The following USP15 variants were observed in gnomAD, a reference collection of about 807,000 sequenced individuals.
The protein encoded by USP15 is ubiquitin specific peptidase 15.
USP15 carries 18 observed loss-of-function variants against 127.1 expected under a neutral mutation model. The observed-to-expected ratio is 0.14, with a 90% CI of 0.10 to 0.21. USP15 has a LOEUF of 0.21. Ranked by LOEUF, USP15 falls within the 10% of genes least tolerant of loss-of-function variation. The probability of loss-of-function intolerance (pLI) is 1.00; values close to 1 mark genes in which losing one functional copy is unlikely to be tolerated. For missense variants in USP15, 805 were observed against 1,159.9 expected (o/e 0.69, Z 4.44); for synonymous variants, 364 against 393.7 (o/e 0.92, Z 0.89).
rs978053108 is a variant in USP15, at chr12:62,415,536, C to A, written c.*11161C>A. ...GACCATAGGCTCAGGAGTTAAACCA[C>A]CTCTGAGCCTACCACTTTTGTGCAA... On this transcript the variant is annotated 3_prime_UTR_variant, in exon 22 of 22. Transcript: ENST00000280377. The A allele has an allele frequency of 6.6e-6, 1 of 152,226 alleles. No individual in the cohort carries two copies. The highest frequency in any genetic ancestry group is 2.4e-5 in the African/African-American group (1 of 41,454). 9.4% of individuals were successfully genotyped at this position (152,226 alleles called of 1,614,324 possible). A position where few individuals can be genotyped will look rare whatever the true frequency, so the allele number is the denominator to read the frequency against.
At chr12:62,339,378 T>A (rs1465351516) in intron 6 of USP15, among the ~76,000 whole-genome samples, 2 of 152,144 alleles carry the variant, frequency 1.3e-5, no homozygotes, top group Non-Finnish European at 2.9e-5. Context: ...TAAATACTCT[T>A]TATTTCTTTC....
chr12:62,298,830 CA>C (rs1163091790), intron 2 of USP15, among the ~76,000 whole-genome samples: 24,155 of 65,698 alleles, frequency 0.37, 1,161 homozygotes, highest in Admixed American at 0.38. Context: ...CCCTGTCTTG[CA>C]AAAAAAAAAA....
chr12:62,382,124 G>A (rs913579780), intron 9 of USP15, among the ~76,000 whole-genome samples: 2 of 151,928 alleles, frequency 1.3e-5, no homozygotes, highest in Non-Finnish European at 2.9e-5. Flanking sequence ...TTATCAAAAT[G>A]AAAATAGTCT....
In USP15 at chr12:62,404,268, G is replaced by A; in HGVS notation, c.2839G>A (p.Glu947Lys). 1 of 1,613,278 alleles carries A rather than the reference G, an allele frequency of 6.2e-7. No homozygotes were observed. Among genetic ancestry groups the A allele is most frequent in the Non-Finnish European group, 8.5e-7 (1 of 1,179,414 alleles). The change falls in exon 22 of 22, where the codon GAA (glutamate) becomes AAA (lysine). Residue 947 changes from glutamate (E) to lysine (K), a missense_variant. Around this residue, in one of 11 missense-constraint regions of USP15, gnomAD observed 116 missense variants for 157.2 expected, o/e 0.74. Coordinates refer to ENST00000280377, the MANE Select transcript of USP15 (RefSeq NM_001252078.2). ...AACTGGCTTTTTTCCTCTTGACCGA[G>A]AAACTAAAGGTGCTTCAGCTGCCAC... ...SGTGFFPLDR[E>K]TKGASAATGI...
rs1037310030 is a variant in USP15 at position 62,406,651 on chromosome 12, C to T, written c.*2276C>T. The T allele has an allele frequency of 6.6e-6, 1 of 152,090 alleles. No individual in the cohort carries two copies. Among genetic ancestry groups the T allele is most frequent in the African/African-American group, 2.4e-5 (1 of 41,408 alleles). 9.4% of individuals were successfully genotyped at this position (152,090 alleles called of 1,614,324 possible). ...TTAAAAATAGTGCAAAAGGATAATA[C>T]ATATTCTAATTAAAAGTAGGCATTC... On this transcript the variant is annotated 3_prime_UTR_variant, in exon 22 of 22. Transcript: ENST00000280377.
At chr12:62,304,859 T>C (rs2064431048) in intron 3 of USP15, 1 of 247,406 alleles carries the variant, frequency 4.0e-6, no homozygotes, top group Non-Finnish European at 8.2e-6. Flanking sequence ...AGATGAGAAG[T>C]AGGGCAAAAC....
At chr12:62,274,545 T>G (rs1341650744) in intron 1 of USP15, among the ~76,000 whole-genome samples, 1 of 152,048 alleles carries the variant, frequency 6.6e-6, no homozygotes, top group Non-Finnish European at 1.5e-5. Context: ...CTTGGAAGGC[T>G]GAGGCAAGAG....
At chr12:62,345,012 A>G (rs556498021) in intron 6 of USP15, among the ~76,000 whole-genome samples, 35 of 152,290 alleles carry the variant, frequency 2.3e-4, no homozygotes, top group Admixed American at 1.4e-3. Context: ...GACCTCTGAC[A>G]TGCCCTGGAG....
chr12:62,337,877 A>G (rs1392857591), intron 6 of USP15, among the ~76,000 whole-genome samples: 3 of 152,144 alleles, frequency 2.0e-5, no homozygotes, highest in Non-Finnish European at 4.4e-5. Flanking sequence ...TATCCAGTCT[A>G]TCAGGATGGA....
intron 1 of USP15, among the ~76,000 whole-genome samples, chr12:62,288,075 C>A (rs2063834394): frequency 1.3e-5 from 2 of 151,820 alleles, no homozygotes; most frequent in Admixed American, 1.3e-4. Flanking sequence ...TATTGAGATT[C>A]TTTTTTTTAT....
chr12:62,376,426 T>C (rs1430434807), intron 8 of USP15, among the ~76,000 whole-genome samples: 1 of 152,176 alleles, frequency 6.6e-6, no homozygotes, highest in Non-Finnish European at 1.5e-5. Flanking sequence ...TTAAGAAATA[T>C]GTTTTATGAT....
chr12:62,370,990 G>A (rs927520906), intron 8 of USP15, among the ~76,000 whole-genome samples: 48 of 151,958 alleles, frequency 3.2e-4, no homozygotes, highest in Admixed American at 1.1e-3. Context: ...TTCCTCTCCT[G>A]TTACATTATT....
chr12:62,399,678 C>G (rs1026820724), intron 20 of USP15, among the ~76,000 whole-genome samples: 5 of 152,056 alleles, frequency 3.3e-5, no homozygotes, highest in Non-Finnish European at 7.4e-5. Flanking sequence ...TCTACGGTTT[C>G]TCTCCATGGT....
intron 19 of USP15, among the ~76,000 whole-genome samples, chr12:62,395,747 A>G (rs1031496281): frequency 2.0e-5 from 3 of 151,298 alleles, no homozygotes; most frequent in Non-Finnish European, 3.0e-5. Flanking sequence ...AGAACATGGG[A>G]TGTTTGTCTT....
intron 9 of USP15, 89 bp from the exon 10 acceptor site, chr12:62,383,751 A>T (rs1416153456): frequency 7.4e-7 from 1 of 1,349,152 alleles, no homozygotes; most frequent in Non-Finnish European, 1.0e-6. Flanking sequence ...ACAAATGTGG[A>T]ATCCATGAAT....
At chr12:62,352,377 A>G (rs2065990661) in intron 7 of USP15, among the ~76,000 whole-genome samples, 1 of 151,932 alleles carries the variant, frequency 6.6e-6, no homozygotes, top group Non-Finnish European at 1.5e-5. Flanking sequence ...GTTTTGCCTC[A>G]GTTATAATTT....
intron 8 of USP15, among the ~76,000 whole-genome samples, chr12:62,362,685 G>C (rs547784151): frequency 6.6e-6 from 1 of 152,106 alleles, no homozygotes; most frequent in South Asian, 2.1e-4. Context: ...ATTTATTGAA[G>C]GTCTATTAGG....
intron 3 of USP15, among the ~76,000 whole-genome samples, chr12:62,307,057 T>G (rs2064506890): frequency 6.6e-6 from 1 of 152,154 alleles, no homozygotes; most frequent in Non-Finnish European, 1.5e-5. Flanking sequence ...TAGAGAGGAC[T>G]TATCCTACAG....
chr12:62,370,928 C>T (rs989401114), intron 8 of USP15, among the ~76,000 whole-genome samples: 1 of 152,166 alleles, frequency 6.6e-6, no homozygotes, highest in Non-Finnish European at 1.5e-5. Flanking sequence ...AAACCGAAGA[C>T]TTATCCCAAG....
Sources: allele counts gnomAD v4.1 joint callset (sites outside exome capture counted in the v4.1 genomes callset), GRCh38; gene constraint gnomAD v4.1.1; regional missense constraint gnomAD v4.1.1; transcripts MANE v1.5; gene names NCBI Gene and HGNC (gene_info 2026-07-23, HGNC 2026-07-21).